The following DLG2 variants were observed in gnomAD, a reference collection of about 807,000 sequenced individuals.
The protein encoded by DLG2 is discs large MAGUK scaffold protein 2.
A neutral mutation model predicts 132.5 loss-of-function variants in DLG2; 45 were observed. The ratio of observed to expected loss-of-function variants is 0.34; its 90% CI spans 0.27 to 0.44. DLG2 has a LOEUF of 0.44. Ranked by LOEUF, DLG2 falls within the 20% of genes least tolerant of loss-of-function variation. The pLI is 1.00. For synonymous variants in DLG2, 424 were observed against 419.6 expected, an observed-to-expected ratio of 1.01 and a Z score of -0.13; for missense variants, 1,045 against 1,196.9, an observed-to-expected ratio of 0.87 and a Z score of 1.87.
chr11:85,019,629 C>T (rs1050082169), intron 6 of DLG2, among the ~76,000 whole-genome samples: 1 of 152,058 alleles, frequency 6.6e-6, no homozygotes, highest in African/African-American at 2.4e-5. Context: ...CTCCACCCAC[C>T]CCACAACAGG....
intron 7 of DLG2, among the ~76,000 whole-genome samples, chr11:84,509,971 C>G (rs1300864318): frequency 6.6e-6 from 1 of 151,590 alleles, no homozygotes; most frequent in Non-Finnish European, 1.5e-5. Flanking sequence ...TATGAAGAAG[C>G]ACACCAAATT....
chr11:84,051,517 C>G (rs1045561392), intron 11 of DLG2, among the ~76,000 whole-genome samples: 5 of 150,906 alleles, frequency 3.3e-5, no homozygotes, highest in Non-Finnish European at 7.4e-5. Flanking sequence ...AGCAAACTAT[C>G]GCAAGGACAA....
intron 16 of DLG2, among the ~76,000 whole-genome samples, chr11:83,854,982 CT>C (rs2060301409): frequency 6.6e-6 from 1 of 151,962 alleles, no homozygotes; most frequent in African/African-American, 2.4e-5. Context: ...AAATCTAAAA[CT>C]GACAAACAAC....
chr11:83,776,453 C>A (rs2094586804), intron 18 of DLG2, among the ~76,000 whole-genome samples: 1 of 152,218 alleles, frequency 6.6e-6, no homozygotes, highest in Non-Finnish European at 1.5e-5. Flanking sequence ...CCATCTCTCA[C>A]ACAGACTCAT....
Position 84,881,071 on chromosome 11 carries a change from C to T in DLG2, c.357+230590G>A, listed in dbSNP as rs114172663. 1.6e-3 allele frequency among the ~76,000 whole-genome samples: 237 copies of T among 152,112 alleles called. 2 individuals are homozygous for T. The highest frequency in any genetic ancestry group is 5.5e-3 in the African/African-American group (229 of 41,534). ...AAGACTGTAGCATATTGTAACCAAA[C>T]TGAAATATAGAATTTGTCATCATAT... On this transcript the variant is annotated intron_variant, in intron 6 of 27. Coordinates refer to ENST00000376104, the MANE Select transcript of DLG2 (RefSeq NM_001142699.3).
chr11:83,515,074 A>G (rs922849490), intron 21 of DLG2, among the ~76,000 whole-genome samples: 2 of 151,880 alleles, frequency 1.3e-5, no homozygotes, highest in African/African-American at 2.4e-5. Context: ...CTCTTTTTCT[A>G]TTGATTGGAA....
intron 7 of DLG2, among the ~76,000 whole-genome samples, chr11:84,383,653 G>C (rs371103889): frequency 6.6e-6 from 1 of 152,012 alleles, no homozygotes; most frequent in African/African-American, 2.4e-5. Flanking sequence ...GCATCTTCCA[G>C]CCAACAGCCA....
At chr11:85,475,503 T>A (rs1043485222) in intron 3 of DLG2, among the ~76,000 whole-genome samples, 19 of 152,030 alleles carry the variant, frequency 1.2e-4, no homozygotes, top group Admixed American at 2.0e-4. Context: ...TTATACCACA[T>A]AAAACTATGA....
chr11:85,210,601 G>T (rs1196899305), intron 4 of DLG2, among the ~76,000 whole-genome samples: 1 of 151,862 alleles, frequency 6.6e-6, no homozygotes, highest in African/African-American at 2.4e-5. Flanking sequence ...TCTTTCAAAA[G>T]AACTTTCTTG....
At chr11:83,656,804 C>T (rs751630051) in intron 18 of DLG2, among the ~76,000 whole-genome samples, 3 of 152,132 alleles carry the variant, frequency 2.0e-5, no homozygotes, top group African/African-American at 4.8e-5. Context: ...AACACCAATA[C>T]GGGATGATGA....
chr11:84,409,676 A>AT (rs1307318114), intron 7 of DLG2, among the ~76,000 whole-genome samples: 2 of 152,036 alleles, frequency 1.3e-5, no homozygotes, highest in East Asian at 1.9e-4. Flanking sequence ...CATTCTAAGT[A>AT]TTTTTTTCTT....
intron 7 of DLG2, among the ~76,000 whole-genome samples, chr11:84,396,486 G>A (rs1413258513): frequency 6.6e-6 from 1 of 152,156 alleles, no homozygotes; most frequent in Non-Finnish European, 1.5e-5. Flanking sequence ...TTTCGTGCAT[G>A]GGCACTGAAT....
At chr11:84,428,621 C>T (rs940928595) in intron 7 of DLG2, among the ~76,000 whole-genome samples, 1 of 152,150 alleles carries the variant, frequency 6.6e-6, no homozygotes, top group African/African-American at 2.4e-5. Flanking sequence ...TCTTACAATG[C>T]CACCAAGCCT....
intron 19 of DLG2, among the ~76,000 whole-genome samples, chr11:83,564,187 T>G (rs1467060205): frequency 6.6e-6 from 1 of 152,174 alleles, no homozygotes; most frequent in Non-Finnish European, 1.5e-5. Context: ...GAATATCCTC[T>G]TGTGACAAGG....
At chr11:84,166,054 A>C (rs1290749359) in intron 8 of DLG2, among the ~76,000 whole-genome samples, 1 of 152,188 alleles carries the variant, frequency 6.6e-6, no homozygotes, top group Non-Finnish European at 1.5e-5. Context: ...GAATCACAGG[A>C]GCCAGTGAGA....
chr11:84,335,604 C>T (rs1361345483), intron 7 of DLG2, among the ~76,000 whole-genome samples: 1 of 152,166 alleles, frequency 6.6e-6, no homozygotes, highest in African/African-American at 2.4e-5. Flanking sequence ...ACCTACACTG[C>T]TAGCAATATC....
intron 3 of DLG2, among the ~76,000 whole-genome samples, chr11:85,481,166 C>A (rs950410776): frequency 6.6e-6 from 1 of 152,034 alleles, no homozygotes; most frequent in Non-Finnish European, 1.5e-5. Context: ...CAGTTTCCTT[C>A]TGGAAAGGTT....
intron 6 of DLG2, among the ~76,000 whole-genome samples, chr11:84,560,143 G>A (rs948958214): frequency 2.6e-5 from 4 of 152,082 alleles, no homozygotes; most frequent in Non-Finnish European, 5.9e-5. Flanking sequence ...ATATAGTCTG[G>A]ATACCAAATT....
At chr11:83,807,616 G>A (rs1199645935) in intron 17 of DLG2, among the ~76,000 whole-genome samples, 2 of 152,108 alleles carry the variant, frequency 1.3e-5, no homozygotes, top group Middle Eastern at 3.2e-3. Flanking sequence ...GAAAAGAAAA[G>A]GAGAGAGGGA....
Sources: gnomAD v4.1 joint callset for allele counts (sites outside exome capture counted in the v4.1 genomes callset) on GRCh38, gnomAD v4.1.1 for gene constraint, MANE v1.5 for transcripts, NCBI Gene and HGNC (gene_info 2026-07-23, HGNC 2026-07-21) for gene names.